Variants in ATL2 observed in about 807,000 individuals in gnomAD.
ATL2 encodes the protein atlastin GTPase 2, also known as atlastin-2.
A neutral mutation model predicts 73.9 loss-of-function variants in ATL2; 31 were observed. The ratio of observed to expected loss-of-function variants is 0.42; its 90% confidence interval spans 0.32 to 0.57. The LOEUF (loss-of-function observed/expected upper bound fraction) is 0.57. ATL2 is among the 20% of genes least tolerant of loss of function. The probability of loss-of-function intolerance (pLI) is 0.14; values close to 1 mark genes in which losing one functional copy is unlikely to be tolerated. For missense variants in ATL2, 738 were observed against 702.6 expected (o/e 1.05, Z -0.57); for synonymous variants, 291 against 237.5 (o/e 1.23, Z -2.07).
At position 38,308,297 on chromosome 2, in the gene ATL2, C is replaced by G. The variant is rs58703230; in HGVS notation, c.1071+1082G>C. On this transcript the variant is annotated intron_variant, in intron 9 of 12. Transcript: ENST00000378954. ...ATAAAAGAATGAGATCCTGTCATTT[C>G]CAACAACATGGTGGAACTGGAGGAC... 6.9e-3 allele frequency among the ~76,000 whole-genome samples: 1,047 copies of G among 152,248 alleles called. 12 individuals are homozygous for G. Among genetic ancestry groups the G allele is most frequent in the East Asian group, 0.057 (296 of 5,182 alleles).
chr2:38,312,418 A>C (rs891918008), intron 7 of ATL2, among the ~76,000 whole-genome samples: 3 of 152,176 alleles, frequency 2.0e-5, no homozygotes, highest in Non-Finnish European at 4.4e-5. Context: ...CTTGTGAAGA[A>C]GGTGCTTGCT....
At chr2:38,371,493 C>G (rs1240587982) in intron 1 of ATL2, among the ~76,000 whole-genome samples, 2 of 151,556 alleles carry the variant, frequency 1.3e-5, no homozygotes. Flanking sequence ...AGGGCAAGAC[C>G]TCGTTTCAAA....
intron 1 of ATL2, among the ~76,000 whole-genome samples, chr2:38,351,159 TTA>T (rs1670314590): frequency 6.6e-6 from 1 of 151,460 alleles, no homozygotes. Flanking sequence ...TATAAAAAAA[TTA>T]GTTATCCCAC....
intron 1 of ATL2, among the ~76,000 whole-genome samples, chr2:38,351,833 C>T (rs1042459869): frequency 6.8e-6 from 1 of 146,028 alleles, no homozygotes; most frequent in Non-Finnish European, 1.5e-5. Flanking sequence ...TAAAATTGGC[C>T]GGGTGCAGTG....
At chr2:38,377,069 C>A (rs1016959572) in intron 1 of ATL2, 74 bp downstream of exon 1, 5 of 1,426,604 alleles carry the variant, frequency 3.5e-6, no homozygotes, top group Non-Finnish European at 4.8e-6. Flanking sequence ...CGCCTGCGGC[C>A]GGTGCCCGCG....
chr2:38,347,740 A>ACTC (rs1455095976), intron 1 of ATL2, among the ~76,000 whole-genome samples: 1 of 142,210 alleles, frequency 7.0e-6, no homozygotes, highest in East Asian at 2.0e-4. Flanking sequence ...TAAGCATTTT[A>ACTC]CTCAGGAGTC....
At chr2:38,301,998 C>T (rs1171175466) in intron 9 of ATL2, among the ~76,000 whole-genome samples, 3 of 152,138 alleles carry the variant, frequency 2.0e-5, no homozygotes. Flanking sequence ...ACCAGCTCAG[C>T]CAAAGTAGAA....
At chr2:38,311,217 C>T (rs1359032442) in intron 7 of ATL2, among the ~76,000 whole-genome samples, 5 of 151,958 alleles carry the variant, frequency 3.3e-5, no homozygotes, top group East Asian at 1.9e-4. Flanking sequence ...GTACAAAGAC[C>T]TTAGAAATGT....
At chr2:38,337,360 C>T (rs1204398667) in intron 2 of ATL2, among the ~76,000 whole-genome samples, 1 of 150,910 alleles carries the variant, frequency 6.6e-6, no homozygotes, top group Non-Finnish European at 1.5e-5. Flanking sequence ...GTGGTGCGCA[C>T]CTGTAAACCC....
chr2:38,372,383 G>A (rs1179411257), intron 1 of ATL2, among the ~76,000 whole-genome samples: 1 of 152,092 alleles, frequency 6.6e-6, no homozygotes, highest in Non-Finnish European at 1.5e-5. Context: ...TTATAGTGTA[G>A]AGATTCAAGT....
intron 2 of ATL2, 119 bp downstream of exon 2, chr2:38,343,149 T>TTA (rs1553338189): frequency 1.4e-5 from 5 of 364,556 alleles, no homozygotes; most frequent in African/African-American, 1.3e-4. Flanking sequence ...CCACTTAAAT[T>TTA]AAAAAAAAAA....
intron 1 of ATL2, among the ~76,000 whole-genome samples, chr2:38,347,097 T>C (rs887822903): frequency 1.3e-5 from 2 of 152,168 alleles, no homozygotes; most frequent in African/African-American, 4.8e-5. Flanking sequence ...ATTAAATGTC[T>C]CCCCTCTTGG....
intron 2 of ATL2, among the ~76,000 whole-genome samples, chr2:38,325,641 CA>C (rs1668564801): frequency 1.2e-5 from 1 of 81,014 alleles, no homozygotes; most frequent in Admixed American, 1.1e-4. Flanking sequence ...CACACACACA[CA>C]CACACACACA....
intron 2 of ATL2, among the ~76,000 whole-genome samples, chr2:38,325,684 A>AG (rs1668585409): frequency 2.6e-5 from 2 of 76,110 alleles, no homozygotes; most frequent in Admixed American, 3.1e-4. Flanking sequence ...ACACACACAC[A>AG]CACACACACA....
rs368163223 is a variant in ATL2 at position 38,326,796 on chromosome 2, T to G, written c.364-7777A>C. On this transcript the variant is annotated intron_variant, in intron 2 of 12. Coordinates refer to ENST00000378954, the MANE Select transcript of ATL2 (RefSeq NM_001135673.4). ...TGAGGTCTGGAGTTCGAGACCAGCC[T>G]GGTCAATACGGCAAAACCCCATCTA... is the stretch of plus-strand genomic sequence containing the variant. Among the ~76,000 whole-genome samples the G allele has an allele frequency of 9.2e-5, 14 of 152,110 alleles. No homozygotes were observed. In the East Asian group the frequency reaches 2.3e-3, roughly 25 times the overall value.
chr2:38,298,479 T>C lies in ATL2; in HGVS notation c.1297A>G (p.Lys433Glu). 1.2e-6 allele frequency: 2 copies of C among 1,614,224 alleles called. No homozygotes were observed. The highest frequency in any genetic ancestry group is 1.7e-6 in the Non-Finnish European group (2 of 1,180,032). Residue 433 changes from lysine to glutamate, a missense_variant, in exon 12 of 13, where the codon AAA (lysine) becomes GAA (glutamate). Transcript: ENST00000378954. Reference protein sequence around the residue: ...EVAIKQFRSVKKMGGDEFCRR... With the variant: ...EVAIKQFRSVEKMGGDEFCRR... ...CAGAACTCATCTCCACCCATCTTTT[T>C]TACTGAACGAAATTGTTTTATCGCC...
At chr2:38,370,150 C>CAAAAAAAAAAAAAA (rs962952444) in intron 1 of ATL2, among the ~76,000 whole-genome samples, 1 of 43,928 alleles carries the variant, frequency 2.3e-5, no homozygotes, top group African/African-American at 1.1e-4. Flanking sequence ...GAGACTCCGT[C>CAAAAAAAAAAAAAA]AAAAAAAAAA....
At chr2:38,352,336 A>G (rs1051658739) in intron 1 of ATL2, among the ~76,000 whole-genome samples, 1 of 152,234 alleles carries the variant, frequency 6.6e-6, no homozygotes, top group Admixed American at 6.5e-5. Flanking sequence ...AAATTAGACA[A>G]AATACATGAA....
intron 1 of ATL2, among the ~76,000 whole-genome samples, chr2:38,352,327 A>T (rs1157711541): frequency 6.6e-6 from 1 of 152,078 alleles, no homozygotes; most frequent in Non-Finnish European, 1.5e-5. Context: ...GTGGCTATAA[A>T]ATTAGACAAA....
Sources: allele counts gnomAD v4.1 joint callset (sites outside exome capture counted in the v4.1 genomes callset), GRCh38; gene constraint gnomAD v4.1.1; transcripts MANE v1.5; gene names NCBI Gene and HGNC (gene_info 2026-07-23, HGNC 2026-07-21).